MRPL18: variants seen among roughly 807,000 people sequenced by gnomAD.
MRPL18 encodes the protein mitochondrial ribosomal protein L18, also known as large ribosomal subunit protein uL18m.
Under a neutral mutation model 20.9 loss-of-function variants are expected in MRPL18, and 16 were observed. The ratio of observed to expected loss-of-function variants is 0.76; its 90% CI spans 0.52 to 1.16. The LOEUF (loss-of-function observed/expected upper bound fraction) is 1.16. Ranked by LOEUF, MRPL18 falls within the 50% of genes most tolerant of loss-of-function variation. The probability of loss-of-function intolerance (pLI) is 0.00; values close to 1 mark genes in which losing one functional copy is unlikely to be tolerated. For synonymous variants in MRPL18, 91 were observed against 87.1 expected (o/e 1.04, Z -0.25); for missense variants, 233 against 230.6 (o/e 1.01, Z -0.07).
chr6:159,790,627 T>C lies in MRPL18; in HGVS notation c.40T>C (p.Cys14Arg). The C allele has an allele frequency of 6.2e-7, 1 of 1,614,056 alleles. No individual in the cohort carries two copies. Among genetic ancestry groups the C allele is most frequent in the Non-Finnish European group, 8.5e-7 (1 of 1,180,004 alleles). ...GCGGTTTTGGGGGTTGTTCTCGGTT[T>C]GCAGGAACCCTGGTAATTAGTCTTG... ...RSRFWGLFSVCRNPGCRFAAL... is the reference protein window; with the variant it reads ...RSRFWGLFSVRRNPGCRFAAL... Residue 14 changes from cysteine to arginine, a missense_variant, in exon 1 of 4, where the codon TGC (cysteine) becomes CGC (arginine). Cys to Arg is a radical substitution (Grantham distance 180). Transcript: ENST00000367034.
Position 159,798,239 on chromosome 6 carries a change from A to T in MRPL18, c.*116A>T. 2.6e-6 allele frequency: 2 copies of T among 780,032 alleles called. No individual in the cohort carries two copies. Among genetic ancestry groups the T allele is most frequent in the Non-Finnish European group, 4.1e-6 (2 of 486,656 alleles). 48.3% of individuals were successfully genotyped at this position (780,032 alleles called of 1,614,324 possible). A position where few individuals can be genotyped will look rare whatever the true frequency, so the allele number is the denominator to read the frequency against. ...GGAAGTTTTACAGCAATAATGTTGC[A>T]GTGGAATATTATTTGTAGTTAAGGT... is the stretch of plus-strand genomic sequence containing the variant. On this transcript the variant is annotated 3_prime_UTR_variant, in exon 4 of 4. Transcript: ENST00000367034.
At position 159,798,119 on chromosome 6, in the gene MRPL18, A is replaced by T; in HGVS notation, c.539A>T (p.Glu180Val). The change falls in exon 4 of 4, where the codon GAA becomes GTA. Residue 180 changes from glutamate to valine, a missense_variant. Glu to Val is a moderately radical substitution (Grantham distance 121, BLOSUM62 -2). Coordinates refer to ENST00000367034, the MANE Select transcript of MRPL18 (RefSeq NM_014161.5). ...CTACGGGAACCTCAGAGAATCTATG[A>T]ATAAATGGAAGCATTAATTGTTTTG... Reference protein sequence around the residue: ...VVLREPQRIYE With the variant: ...VVLREPQRIYV 1 of 1,610,272 alleles carries T rather than the reference A, an allele frequency of 6.2e-7. No homozygotes were observed. Among genetic ancestry groups the T allele is most frequent in the Non-Finnish European group, 8.5e-7 (1 of 1,176,706 alleles).
At chr6:159,793,102 CA>C in intron 2 of MRPL18, among the ~76,000 whole-genome samples, 1 of 152,068 alleles carries the variant, frequency 6.6e-6, no homozygotes, top group Middle Eastern at 3.4e-3. Context: ...GCTGGGATTA[CA>C]GACGTGAGCC....
intron 2 of MRPL18, among the ~76,000 whole-genome samples, chr6:159,796,691 G>C (rs942614654): frequency 6.6e-6 from 1 of 152,156 alleles, no homozygotes; most frequent in African/African-American, 2.4e-5. Flanking sequence ...GACTAAGGCA[G>C]GAGGGTTGCT....
At chr6:159,797,964 T>C (rs1781078761) in intron 3 of MRPL18, 88 bp from the exon 4 acceptor site, 1 of 1,102,134 alleles carries the variant, frequency 9.1e-7, no homozygotes, top group Non-Finnish European at 1.3e-6. Flanking sequence ...AATCAATTTA[T>C]TTCTGTCTTT....
At chr6:159,796,363 C>T (rs893739190) in intron 2 of MRPL18, among the ~76,000 whole-genome samples, 1 of 151,414 alleles carries the variant, frequency 6.6e-6, no homozygotes, top group African/African-American at 2.4e-5. Flanking sequence ...GCCTGTAGTC[C>T]CAGCCACTTG....
chr6:159,795,493 C>G (rs985498848), intron 2 of MRPL18, among the ~76,000 whole-genome samples: 2 of 152,184 alleles, frequency 1.3e-5, no homozygotes, highest in Middle Eastern at 3.2e-3. Context: ...TTTAACAAAG[C>G]ACATCTTGCA....
At chr6:159,792,354 G>C (rs1420334990) in intron 2 of MRPL18, among the ~76,000 whole-genome samples, 3 of 152,146 alleles carry the variant, frequency 2.0e-5, no homozygotes, top group Non-Finnish European at 4.4e-5. Flanking sequence ...AATCATTACT[G>C]TGTGATGTAT....
chr6:159,790,770 T>C, intron 1 of MRPL18, 131 bp downstream of exon 1: 1 of 1,411,778 alleles, frequency 7.1e-7, no homozygotes, highest in Non-Finnish European at 9.7e-7. Flanking sequence ...AAGACCACAG[T>C]AGGAAGTTAA....
rs556644368 is a variant in MRPL18 at position 159,795,741 on chromosome 6, T to C, written c.240-1546T>C. Among the ~76,000 whole-genome samples, 27 of 152,328 alleles carry C rather than the reference T, an allele frequency of 1.8e-4. No homozygotes were observed. In the East Asian group the frequency reaches 4.4e-3, roughly 25 times the overall value. On this transcript the variant is annotated intron_variant, in intron 2 of 3. Transcript: ENST00000367034. Reference sequence around the variant, plus strand: ...TTAATTATAGGAGGCTTTTAACATATTGTGTAAATTAGCTCTTTGAACAAT... The same window carrying C: ...TTAATTATAGGAGGCTTTTAACATACTGTGTAAATTAGCTCTTTGAACAAT...
intron 2 of MRPL18, 28 bp downstream of exon 2, chr6:159,791,154 G>C: frequency 6.2e-7 from 1 of 1,612,840 alleles, no homozygotes. Context: ...TGATTGACAA[G>C]GGCAGTGCAC....
rs189546166 is a variant in MRPL18, at chr6:159,790,471, G to C, written c.-117G>C. The C allele has an allele frequency of 2.7e-5, 38 of 1,400,734 alleles. 1 individual carries two copies. The South Asian group carries it at 4.0e-4, about 15-fold the overall frequency. The allele number at this position is 1,400,734 out of a possible 1,614,324, so 86.8% of individuals were successfully genotyped here. A position where few individuals can be genotyped will look rare whatever the true frequency, so the allele number is the denominator to read the frequency against. On this transcript the variant is annotated 5_prime_UTR_variant, in exon 1 of 4. Transcript: ENST00000367034. Reference sequence around the variant, plus strand: ...GGGTCGGTGGCGTCTGGCGTGGAGAGTTTGGGGATCTACAGCAGCCAAAGG... The same window carrying C: ...GGGTCGGTGGCGTCTGGCGTGGAGACTTTGGGGATCTACAGCAGCCAAAGG...
chr6:159,790,586 C>T lies in MRPL18; in HGVS notation c.-2C>T, dbSNP rs2115003368. Reference sequence around the variant, plus strand: ...CGAGGCTTTTCCGAGATCGTCTCAGCGATGGCGCTTCGGTCGCGGTTTTGG... The same window carrying T: ...CGAGGCTTTTCCGAGATCGTCTCAGTGATGGCGCTTCGGTCGCGGTTTTGG... On this transcript the variant is annotated 5_prime_UTR_variant, in exon 1 of 4. Transcript: ENST00000367034. The T allele has an allele frequency of 6.2e-7, 1 of 1,603,880 alleles. No homozygotes were observed. The highest frequency in any genetic ancestry group is 8.5e-7 in the Non-Finnish European group (1 of 1,176,726).
At chr6:159,796,023 A>G (rs571885154) in intron 2 of MRPL18, among the ~76,000 whole-genome samples, 9 of 152,026 alleles carry the variant, frequency 5.9e-5, no homozygotes, top group Non-Finnish European at 1.3e-4. Flanking sequence ...TGGCTCTAGC[A>G]GTCCTCCTGC....
In MRPL18 at chr6:159,790,542, G is replaced by C. The variant is rs747997437; in HGVS notation, c.-46G>C. 6.2e-7 allele frequency: 1 copy of C among 1,613,808 alleles called. No individual in the cohort carries two copies. The highest frequency in any genetic ancestry group is 1.1e-5 in the South Asian group (1 of 91,078). ...GCTGCTCCTGGCGAGCGACTGAGTC[G>C]TCCGTGAGGAAAAAGAGGCGAGGCT... On this transcript the variant is annotated 5_prime_UTR_variant, in exon 1 of 4. Coordinates refer to ENST00000367034, the MANE Select transcript of MRPL18 (RefSeq NM_014161.5).
chr6:159,791,242 G>A, intron 2 of MRPL18, 116 bp downstream of exon 2: 2 of 1,237,414 alleles, frequency 1.6e-6, no homozygotes, highest in Non-Finnish European at 2.3e-6. Context: ...GGCAGGGTTC[G>A]CGGAGGGGCT....
intron 1 of MRPL18, 127 bp downstream of exon 1, chr6:159,790,766 A>G (rs1403678443): frequency 4.2e-6 from 6 of 1,424,936 alleles, no homozygotes; most frequent in East Asian, 2.3e-5. Flanking sequence ...TGCGAAGACC[A>G]CAGTAGGAAG....
chr6:159,796,277 T>A (rs958882031), intron 2 of MRPL18, among the ~76,000 whole-genome samples: 3 of 151,644 alleles, frequency 2.0e-5, no homozygotes, highest in Admixed American at 6.6e-5. Flanking sequence ...CTTAGGAGTT[T>A]GAGACGAGCC....
In MRPL18 at chr6:159,792,824, G is replaced by C. The variant is rs1780934590; in HGVS notation, c.239+1698G>C. 2.0e-5 allele frequency among the ~76,000 whole-genome samples: 3 copies of C among 152,082 alleles called. No homozygotes were observed. In the South Asian group the frequency reaches 6.2e-4, roughly 31 times the overall value. ...AGCTAATTTGTTTTGTTTTGTTTGA[G>C]ACAAGCTCTGGCTCTATCACCCAGG... On this transcript the variant is annotated intron_variant, in intron 2 of 3. Transcript: ENST00000367034.
Sources: allele counts gnomAD v4.1 joint callset (sites outside exome capture counted in the v4.1 genomes callset), GRCh38; gene constraint gnomAD v4.1.1; transcripts MANE v1.5; gene names NCBI Gene and HGNC (gene_info 2026-07-23, HGNC 2026-07-21).